RPIA: variants seen among roughly 807,000 people sequenced by gnomAD.
RPIA encodes the protein ribose-5-phosphate isomerase.
A neutral mutation model predicts 37.8 loss-of-function variants in RPIA; 29 were observed. The observed-to-expected ratio is 0.77, with a 90% CI of 0.57 to 1.05. The LOEUF (loss-of-function observed/expected upper bound fraction) is 1.05, where lower values mean the gene tolerates loss of function less well. Among genes scored for constraint, RPIA ranks in the 50% least tolerant of loss-of-function variants. The probability of loss-of-function intolerance (pLI) is 0.00; values close to 1 mark genes in which losing one functional copy is unlikely to be tolerated. For missense variants in RPIA, 385 were observed against 413.6 expected (o/e 0.93, Z 0.60); for synonymous variants, 167 against 157.0 (o/e 1.06, Z -0.48).
chr2:88,746,624 C>T (rs576930250), intron 8 of RPIA, among the ~76,000 whole-genome samples: 14 of 152,146 alleles, frequency 9.2e-5, no homozygotes, highest in Admixed American at 1.3e-4. Context: ...TTTAGGTCCC[C>T]GAGCTGTGGA....
rs1673493543 is a variant in RPIA, at chr2:88,750,565, T to C, written c.*487T>C. 2.4e-6 allele frequency: 1 copy of C among 416,300 alleles called. No individual in the cohort carries two copies. The highest frequency in any genetic ancestry group is 4.2e-6 in the Non-Finnish European group (1 of 235,946). The allele number at this position is 416,300 out of a possible 1,614,324, so 25.8% of individuals were successfully genotyped here. On this transcript the variant is annotated 3_prime_UTR_variant, in exon 9 of 9. Coordinates refer to ENST00000283646, the MANE Select transcript of RPIA (RefSeq NM_144563.3). Reference sequence around the variant, plus strand: ...CTCTGATTTGTTTTTAGTTAGTTTTTATTGTGAGCACACATAGTACCTAGT... The same window carrying C: ...CTCTGATTTGTTTTTAGTTAGTTTTCATTGTGAGCACACATAGTACCTAGT...
At chr2:88,726,765 A>G (rs541690812) in intron 3 of RPIA, among the ~76,000 whole-genome samples, 1 of 152,252 alleles carries the variant, frequency 6.6e-6, no homozygotes, top group African/African-American at 2.4e-5. Flanking sequence ...TTTTTGAGAA[A>G]GAGTCTTGCT....
In RPIA at chr2:88,691,922, T is replaced by A; in HGVS notation, c.224T>A (p.Met75Lys). 4 of 1,597,156 alleles carry A rather than the reference T, an allele frequency of 2.5e-6. No homozygotes were observed. Among genetic ancestry groups the A allele is most frequent in the Non-Finnish European group, 3.4e-6 (4 of 1,172,696 alleles). Residue 75 changes from methionine (M) to lysine (K), a missense_variant, in exon 1 of 9, where the codon ATG becomes AAG. Transcript: ENST00000283646. ...SNSICPAPST[M>K]SKAEEAKKLA... ...AGCATCTGCCCGGCCCCCTCCACGA[T>A]GTCCAAGGCCGAGGAGGCCAAGAAG... is the stretch of plus-strand genomic sequence containing the variant.
At chr2:88,734,029 A>T (rs1673283896) in intron 4 of RPIA, among the ~76,000 whole-genome samples, 1 of 151,030 alleles carries the variant, frequency 6.6e-6, no homozygotes, top group Non-Finnish European at 1.5e-5. Flanking sequence ...TTTGATCCTC[A>T]TGTCCACTTA....
intron 3 of RPIA, among the ~76,000 whole-genome samples, chr2:88,700,402 A>C (rs1454209789): frequency 6.6e-6 from 1 of 152,204 alleles, no homozygotes; most frequent in Non-Finnish European, 1.5e-5. Flanking sequence ...TGTAATCTCA[A>C]GTACTTTGGG....
At chr2:88,736,764 G>A in intron 7 of RPIA, 88 bp downstream of exon 7, 1 of 1,458,308 alleles carries the variant, frequency 6.9e-7, no homozygotes, top group Non-Finnish European at 9.3e-7. Flanking sequence ...TAGGTCATGT[G>A]TGCTTCCACC....
chr2:88,698,236 C>T (rs10166208), intron 1 of RPIA, among the ~76,000 whole-genome samples: 5,806 of 152,018 alleles, frequency 0.038, 385 homozygotes, highest in African/African-American at 0.13. Flanking sequence ...AGGGAGGAAG[C>T]GGTGGTGTTG....
At chr2:88,747,708 A>G (rs1277690488) in intron 8 of RPIA, among the ~76,000 whole-genome samples, 2 of 152,162 alleles carry the variant, frequency 1.3e-5, no homozygotes, top group Non-Finnish European at 2.9e-5. Context: ...AGCTCTAGGT[A>G]AGATTAAATC....
chr2:88,722,144 G>T, intron 3 of RPIA, among the ~76,000 whole-genome samples: 1 of 150,260 alleles, frequency 6.7e-6, no homozygotes, highest in East Asian at 1.9e-4. Flanking sequence ...TTCTCTTTAA[G>T]CTTTTTCACC....
At chr2:88,694,437 C>G (rs916238359) in intron 1 of RPIA, among the ~76,000 whole-genome samples, 2 of 152,156 alleles carry the variant, frequency 1.3e-5, no homozygotes, top group African/African-American at 4.8e-5. Context: ...GCTTGGTAAC[C>G]AGGAATTTGG....
At chr2:88,733,506 G>A (rs577226592) in intron 4 of RPIA, among the ~76,000 whole-genome samples, 1 of 152,292 alleles carries the variant, frequency 6.6e-6, no homozygotes, top group South Asian at 2.1e-4. Context: ...TGGGCTGAAG[G>A]TGGGCCTGGA....
chr2:88,725,640 G>A (rs1435507294), intron 3 of RPIA, among the ~76,000 whole-genome samples: 2 of 152,094 alleles, frequency 1.3e-5, no homozygotes, highest in Non-Finnish European at 2.9e-5. Context: ...TTACTCTAAT[G>A]GCCTCATTTG....
chr2:88,719,699 C>G (rs1219362103), intron 3 of RPIA, among the ~76,000 whole-genome samples: 1 of 151,874 alleles, frequency 6.6e-6, no homozygotes, highest in East Asian at 1.9e-4. Flanking sequence ...AACAATAAGC[C>G]CTAATCAAAA....
intron 3 of RPIA, among the ~76,000 whole-genome samples, chr2:88,722,110 A>G (rs1279746008): frequency 1.3e-5 from 2 of 151,872 alleles, no homozygotes; most frequent in East Asian, 1.9e-4. Flanking sequence ...TAACCATACA[A>G]GATTTTTTCT....
At chr2:88,712,479 G>A (rs536570826) in intron 3 of RPIA, among the ~76,000 whole-genome samples, 76 of 152,226 alleles carry the variant, frequency 5.0e-4, no homozygotes, top group Non-Finnish European at 9.4e-4. Context: ...ATGGATAAAT[G>A]GAAGATGAAC....
chr2:88,742,157 T>G (rs912726673), intron 8 of RPIA, among the ~76,000 whole-genome samples: 2 of 152,162 alleles, frequency 1.3e-5, no homozygotes, highest in Non-Finnish European at 2.9e-5. Context: ...GATTTTTCAG[T>G]GTTGTCCTCT....
intron 1 of RPIA, among the ~76,000 whole-genome samples, chr2:88,692,979 C>A (rs1254232896): frequency 1.3e-5 from 2 of 152,164 alleles, no homozygotes; most frequent in Non-Finnish European, 2.9e-5. Context: ...CTACTCTTTC[C>A]ACTGCTACCC....
intron 3 of RPIA, among the ~76,000 whole-genome samples, chr2:88,727,753 A>G (rs917385290): frequency 6.6e-6 from 1 of 152,228 alleles, no homozygotes; most frequent in Non-Finnish European, 1.5e-5. Flanking sequence ...TAGTTCTGAT[A>G]GTACTTTTGG....
chr2:88,745,712 C>G (rs2104149640), intron 8 of RPIA, among the ~76,000 whole-genome samples: 1 of 152,262 alleles, frequency 6.6e-6, no homozygotes, highest in East Asian at 1.9e-4. Flanking sequence ...TTTCAAGATT[C>G]TTTCCTTTGT....
Sources: allele counts gnomAD v4.1 joint callset (sites outside exome capture counted in the v4.1 genomes callset), GRCh38; gene constraint gnomAD v4.1.1; transcripts MANE v1.5; gene names NCBI Gene and HGNC (gene_info 2026-07-23, HGNC 2026-07-21).